Variants in PAX7 observed in about 807,000 individuals in gnomAD.
The protein encoded by PAX7 is paired box protein Pax-7.
Under a neutral mutation model 50.7 loss-of-function variants are expected in PAX7, and 18 were observed. That is an observed-to-expected ratio of 0.36 (90% CI 0.25 to 0.53). The LOEUF (loss-of-function observed/expected upper bound fraction) is 0.53, where lower values mean the gene tolerates loss of function less well. Among genes scored for constraint, PAX7 ranks in the 20% least tolerant of loss-of-function variants. The pLI, the probability that PAX7 is intolerant of heterozygous loss-of-function variation, is 0.93. For synonymous variants in PAX7, 310 were observed against 290.4 expected (o/e 1.07, Z -0.69); for missense variants, 644 against 702.9 (o/e 0.92, Z 0.95).
rs536447968 is a variant in PAX7 at position 18,745,265 on chromosome 1, G to C, written c.*336G>C. ...CCTTGAACACCTTGGGTGTCCAGAG[G>C]AGGATGGTGCCTGAGAGGAGGTCCT... On this transcript the variant is annotated 3_prime_UTR_variant, in exon 9 of 9. Transcript: ENST00000420770. 7 of 349,738 alleles carry C rather than the reference G, an allele frequency of 2.0e-5. No homozygotes were observed. Among genetic ancestry groups the C allele is most frequent in the African/African-American group, 1.0e-4 (5 of 48,592 alleles). 21.7% of individuals were successfully genotyped at this position (349,738 alleles called of 1,614,324 possible).
At chr1:18,688,643 G>A (rs2089011970) in intron 4 of PAX7, among the ~76,000 whole-genome samples, 1 of 152,168 alleles carries the variant, frequency 6.6e-6, no homozygotes, top group African/African-American at 2.4e-5. Context: ...GCTCATGCCT[G>A]TAATCCCAGC....
intron 7 of PAX7, among the ~76,000 whole-genome samples, chr1:18,729,924 A>G (rs915585408): frequency 4.6e-5 from 7 of 152,140 alleles, no homozygotes; most frequent in African/African-American, 1.7e-4. Context: ...GTTGGCCCCC[A>G]TGGGAGAAAA....
intron 5 of PAX7, among the ~76,000 whole-genome samples, chr1:18,695,425 C>A (rs2089138639): frequency 6.6e-6 from 1 of 152,190 alleles, no homozygotes; most frequent in Non-Finnish European, 1.5e-5. Context: ...GCTCTGCTGT[C>A]TTGAAGCTGG....
intron 4 of PAX7, among the ~76,000 whole-genome samples, chr1:18,652,107 C>T (rs116008642): frequency 0.02 from 2,975 of 150,562 alleles, 102 homozygotes; most frequent in African/African-American, 0.068. Context: ...AGCGGAAAGG[C>T]TGGGCCGGCT....
chr1:18,706,460 C>CTTT (rs71027391), intron 7 of PAX7, among the ~76,000 whole-genome samples: 1 of 98,674 alleles, frequency 1.0e-5, no homozygotes, highest in Non-Finnish European at 2.0e-5. Flanking sequence ...CTCTCTCTCT[C>CTTT]TTTTTTTTTT....
intron 8 of PAX7, among the ~76,000 whole-genome samples, chr1:18,742,656 A>T (rs1931212968): frequency 6.6e-6 from 1 of 152,180 alleles, no homozygotes; most frequent in African/African-American, 2.4e-5. Context: ...GGGAGCCTGG[A>T]GGCCAAGTGA....
rs537051136 is a variant in PAX7, at chr1:18,722,497, C to T, written c.1156-13135C>T. On this transcript the variant is annotated intron_variant, in intron 7 of 8. Transcript: ENST00000420770. ...GCTGCCTTTATCAAATGGGGATTCACAGGCGCTTTATCCTCGATAAGTGGA... is the reference window on the plus strand; with the variant it reads ...GCTGCCTTTATCAAATGGGGATTCATAGGCGCTTTATCCTCGATAAGTGGA... 1.4e-4 allele frequency among the ~76,000 whole-genome samples: 22 copies of T among 152,268 alleles called. 1 individual carries two copies. Among genetic ancestry groups the T allele is most frequent in the Admixed American group, 5.2e-4 (8 of 15,294 alleles).
At chr1:18,641,498 G>T (rs1384873024) in intron 4 of PAX7, among the ~76,000 whole-genome samples, 1 of 152,218 alleles carries the variant, frequency 6.6e-6, no homozygotes, top group Non-Finnish European at 1.5e-5. Context: ...ACGCAGGCAC[G>T]TCTGAACCGG....
chr1:18,688,417 G>A (rs2089008240), intron 4 of PAX7, among the ~76,000 whole-genome samples: 1 of 152,230 alleles, frequency 6.6e-6, no homozygotes, highest in Non-Finnish European at 1.5e-5. Flanking sequence ...GTGTGACTAT[G>A]CAAATTTGAA....
In PAX7 at chr1:18,678,081, G is replaced by GA. The variant is rs11349871; in HGVS notation, c.587-13658dup. Among the ~76,000 whole-genome samples, 479 of 126,364 alleles carry GA rather than the reference G, an allele frequency of 3.8e-3. 2 individuals are homozygous for GA. The highest frequency in any genetic ancestry group is 0.013 in the African/African-American group (429 of 33,580). The allele number at this position is 126,364 out of a possible 152,430, so 82.9% of individuals were successfully genotyped here. On this transcript the variant is annotated intron_variant, in intron 4 of 8. Coordinates refer to ENST00000420770, the MANE Select transcript of PAX7 (RefSeq NM_001135254.2). ...TGGGTGACAGAGCGAGACTCCGTCT[G>GA]AAAAAAAAAAAAAAAGAAAAAGAAA... is the stretch of plus-strand genomic sequence containing the variant.
intron 4 of PAX7, among the ~76,000 whole-genome samples, chr1:18,676,837 G>A (rs1264273644): frequency 6.6e-6 from 1 of 152,204 alleles, no homozygotes; most frequent in Non-Finnish European, 1.5e-5. Flanking sequence ...AACCCTGAAG[G>A]TGGAGTTTAT....
chr1:18,683,879 C>T (rs970480292), intron 4 of PAX7, among the ~76,000 whole-genome samples: 5 of 152,042 alleles, frequency 3.3e-5, no homozygotes, highest in African/African-American at 2.4e-5. Flanking sequence ...GTGGAGTGTG[C>T]GGTGGGTGGT....
chr1:18,735,589 G>A lies in PAX7; in HGVS notation c.1156-43G>A. On this transcript the variant is annotated intron_variant, in intron 7 of 8. Coordinates refer to ENST00000420770, the MANE Select transcript of PAX7 (RefSeq NM_001135254.2). This position sits in a 1 kb window ranked among gnomAD's most constrained non-coding sequence, Gnocchi z 4.0. ...GTGCCCAGTGTGCTCGTGTCTCTGG[G>A]GTCTGTCCGGTGAGCCTGGCACTAA... is the stretch of plus-strand genomic sequence containing the variant. 2 of 1,577,836 alleles carry A rather than the reference G, an allele frequency of 1.3e-6. No homozygotes were observed. Among genetic ancestry groups the A allele is most frequent in the Non-Finnish European group, 1.7e-6 (2 of 1,157,438 alleles).
At chr1:18,660,632 A>G (rs1387742719) in intron 4 of PAX7, among the ~76,000 whole-genome samples, 1 of 152,114 alleles carries the variant, frequency 6.6e-6, no homozygotes, top group Admixed American at 6.5e-5. Context: ...ACCTGTATTT[A>G]CCACGTTCAA....
chr1:18,634,416 A>G lies in PAX7; in HGVS notation c.199A>G (p.Ile67Val). 2 of 1,614,192 alleles carry G rather than the reference A, an allele frequency of 1.2e-6. No homozygotes were observed. Among genetic ancestry groups the G allele is most frequent in the Non-Finnish European group, 1.7e-6 (2 of 1,180,048 alleles). The change falls in exon 2 of 9, where the codon ATC becomes GTC. Residue 67 changes from isoleucine to valine, a missense_variant. Physicochemically the swap from Ile to Val is conservative, Grantham distance 29. Transcript: ENST00000420770. This position sits in a 1 kb window ranked among gnomAD's most constrained non-coding sequence, Gnocchi z 4.0. Reference sequence around the variant, plus strand: ...GATAGTGGAGATGGCCCACCATGGCATCCGGCCCTGTGTCATCTCCCGACA... The same window carrying G: ...GATAGTGGAGATGGCCCACCATGGCGTCCGGCCCTGTGTCATCTCCCGACA... Reference protein sequence around the residue: ...HKIVEMAHHGIRPCVISRQLR... With the variant: ...HKIVEMAHHGVRPCVISRQLR...
intron 4 of PAX7, among the ~76,000 whole-genome samples, chr1:18,671,416 T>C (rs1465047789): frequency 6.6e-6 from 1 of 152,180 alleles, no homozygotes; most frequent in East Asian, 1.9e-4. Context: ...AACTGTACAA[T>C]GCACTCTTAT....
In PAX7 at chr1:18,735,205, C is replaced by T. The variant is rs1247653069; in HGVS notation, c.1156-427C>T. The stretch of plus-strand genomic sequence containing the variant: ...TGTTTGTGTTAGAAGATGGGGCCAT[C>T]CCAGTCTGATGGGGGAGGCACAGTT... On this transcript the variant is annotated intron_variant, in intron 7 of 8. Coordinates refer to ENST00000420770, the MANE Select transcript of PAX7 (RefSeq NM_001135254.2). The surrounding 1 kb of genome is among the most constrained non-coding windows in gnomAD (Gnocchi z 4.0). Among the ~76,000 whole-genome samples, 1 of 152,214 alleles carries T rather than the reference C, an allele frequency of 6.6e-6. No homozygotes were observed. The highest frequency in any genetic ancestry group is 1.5e-5 in the Non-Finnish European group (1 of 68,034).
At chr1:18,741,641 G>A (rs1017156979) in intron 8 of PAX7, among the ~76,000 whole-genome samples, 2 of 152,206 alleles carry the variant, frequency 1.3e-5, no homozygotes, top group Admixed American at 6.5e-5. Flanking sequence ...CCCATCCACA[G>A]GAATAGCTGA....
intron 7 of PAX7, among the ~76,000 whole-genome samples, chr1:18,709,694 C>T (rs1026572316): frequency 3.3e-5 from 5 of 152,174 alleles, no homozygotes; most frequent in African/African-American, 1.2e-4. Flanking sequence ...CATCCAACCA[C>T]CTAAGAAACA....
Sources: gnomAD v4.1 joint callset for allele counts (sites outside exome capture counted in the v4.1 genomes callset) on GRCh38, gnomAD v4.1.1 for gene constraint, Gnocchi (gnomAD v3.1) non-coding constraint, MANE v1.5 for transcripts, NCBI Gene and HGNC (gene_info 2026-07-23, HGNC 2026-07-21) for gene names.